Variants in CTNND2 observed in about 807,000 individuals in gnomAD.
CTNND2 encodes the protein catenin delta 2.
CTNND2 carries 22 observed loss-of-function variants against 144.4 expected under a neutral mutation model. That is an observed-to-expected ratio of 0.15 (90% CI 0.11 to 0.22). CTNND2 has a LOEUF of 0.22. Among genes scored for constraint, CTNND2 ranks in the 10% least tolerant of loss-of-function variants. The probability of loss-of-function intolerance (pLI) is 1.00; values close to 1 mark genes in which losing one functional copy is unlikely to be tolerated. For synonymous variants in CTNND2, 751 were observed against 695.6 expected, an observed-to-expected ratio of 1.08 and a Z score of -1.25; for missense variants, 1,353 against 1,618.8, an observed-to-expected ratio of 0.84 and a Z score of 2.82.
chr5:11,082,269 T>G (rs2149634612), intron 16 of CTNND2, among the ~76,000 whole-genome samples: 1 of 152,254 alleles, frequency 6.6e-6, no homozygotes, highest in African/African-American at 2.4e-5. Flanking sequence ...AATACCAAAT[T>G]AAAGAGAGAT....
Position 11,903,780 on chromosome 5 carries a change from C to G in CTNND2, c.37+37G>C. On this transcript the variant is annotated intron_variant, in intron 1 of 21. Coordinates refer to ENST00000304623, the MANE Select transcript of CTNND2 (RefSeq NM_001332.4). This position sits in a 1 kb window ranked among gnomAD's most constrained non-coding sequence, Gnocchi z 5.4. ...GGAGGAGGACGGCGCCGGGAGGAGG[C>G]TGCGCCCGGCCCCGGCCGCCCAGCC... 6.8e-7 allele frequency: 1 copy of G among 1,472,176 alleles called. No individual in the cohort carries two copies. Among genetic ancestry groups the G allele is most frequent in the Non-Finnish European group, 8.9e-7 (1 of 1,118,688 alleles). The allele number at this position is 1,472,176 out of a possible 1,614,324, so 91.2% of individuals were successfully genotyped here. A position where few individuals can be genotyped will look rare whatever the true frequency, so the allele number is the denominator to read the frequency against.
At chr5:11,244,534 C>G (rs953810673) in intron 9 of CTNND2, among the ~76,000 whole-genome samples, 35 of 152,312 alleles carry the variant, frequency 2.3e-4, no homozygotes, top group African/African-American at 8.4e-4. Flanking sequence ...ATCCACCCAC[C>G]TTGGCCTCGC....
At chr5:11,753,972 T>C (rs549647977) in intron 1 of CTNND2, among the ~76,000 whole-genome samples, 7 of 151,762 alleles carry the variant, frequency 4.6e-5, no homozygotes, top group African/African-American at 1.2e-4. Context: ...ATAGAGGTGT[T>C]TGTAGTAGTC....
intron 2 of CTNND2, among the ~76,000 whole-genome samples, chr5:11,587,072 A>G (rs1046238093): frequency 6.6e-6 from 1 of 152,186 alleles, no homozygotes; most frequent in Non-Finnish European, 1.5e-5. Flanking sequence ...ACATACATAT[A>G]CTGTGTCCTA....
In CTNND2 at chr5:11,651,461, C is replaced by T. The variant is rs555662333; in HGVS notation, c.174+80675G>A. On this transcript the variant is annotated intron_variant, in intron 2 of 21. Transcript: ENST00000304623. ...GTGGAGGGGAAATGTGAGGTTGGATCCCCCAGACAGAGTCCCCACTGGGGC... is the reference window on the plus strand; with the variant it reads ...GTGGAGGGGAAATGTGAGGTTGGATTCCCCAGACAGAGTCCCCACTGGGGC... 3.9e-5 allele frequency among the ~76,000 whole-genome samples: 6 copies of T among 152,286 alleles called. No homozygotes were observed. In the South Asian group the frequency reaches 1.2e-3, roughly 32 times the overall value.
intron 2 of CTNND2, among the ~76,000 whole-genome samples, chr5:11,568,959 C>T (rs1297385659): frequency 6.6e-6 from 1 of 152,120 alleles, no homozygotes; most frequent in African/African-American, 2.4e-5. Context: ...TAAACTAATT[C>T]AGCAAAAGTG....
chr5:11,665,402 C>A (rs1783508464), intron 2 of CTNND2, among the ~76,000 whole-genome samples: 1 of 152,086 alleles, frequency 6.6e-6, no homozygotes, highest in African/African-American at 2.4e-5. Flanking sequence ...CTAGCTTTAC[C>A]ATATAGCAAG....
chr5:11,160,131 G>T (rs1288574711), intron 11 of CTNND2, among the ~76,000 whole-genome samples: 3 of 152,218 alleles, frequency 2.0e-5, no homozygotes. Flanking sequence ...AAATGGACTA[G>T]TAGAGCATCT....
chr5:11,734,630 T>A (rs951071135), intron 1 of CTNND2, among the ~76,000 whole-genome samples: 1 of 152,158 alleles, frequency 6.6e-6, no homozygotes, highest in African/African-American at 2.4e-5. Context: ...ACATTACACA[T>A]CCCTCCAGGA....
Position 11,850,396 on chromosome 5 carries a change from T to C in CTNND2, c.37+53421A>G, listed in dbSNP as rs562961621. Among the ~76,000 whole-genome samples the C allele has an allele frequency of 2.6e-5, 4 of 152,300 alleles. No individual in the cohort carries two copies. In the South Asian group the frequency reaches 8.3e-4, roughly 32 times the overall value. On this transcript the variant is annotated intron_variant, in intron 1 of 21. Transcript: ENST00000304623. Reference sequence around the variant, plus strand: ...CCAAGGTAATAGGTAATAAAGTAGCTACTAACAATCAACTTCTCATTGATA... The same window carrying C: ...CCAAGGTAATAGGTAATAAAGTAGCCACTAACAATCAACTTCTCATTGATA...
At chr5:11,891,673 G>A (rs1736975263) in intron 1 of CTNND2, among the ~76,000 whole-genome samples, 1 of 152,168 alleles carries the variant, frequency 6.6e-6, no homozygotes, top group South Asian at 2.1e-4. Context: ...CAAGTCAGGA[G>A]GAGAGCCCTC....
Position 11,388,621 on chromosome 5 carries a change from GAAT to G in CTNND2, c.613-3395_613-3393del, listed in dbSNP as rs1169306887. The stretch of plus-strand genomic sequence containing the variant: ...AGAAATTTGTTTTGTAGCATCATTT[GAAT>G]AAAAACAAAATTTGGGGGAGCCTCT... On this transcript the variant is annotated intron_variant, in intron 6 of 21. Coordinates refer to ENST00000304623, the MANE Select transcript of CTNND2 (RefSeq NM_001332.4). Among the ~76,000 whole-genome samples, 9 of 152,288 alleles carry G rather than the reference GAAT, an allele frequency of 5.9e-5. No homozygotes were observed. In the East Asian group the frequency reaches 1.7e-3, roughly 29 times the overall value.
At position 11,432,139 on chromosome 5, in the gene CTNND2, TTTAAG is replaced by T. The variant is rs1763359486; in HGVS notation, c.288-20075_288-20071del. 2.7e-5 allele frequency among the ~76,000 whole-genome samples: 4 copies of T among 150,914 alleles called. No individual in the cohort carries two copies. In the South Asian group the frequency reaches 6.3e-4, roughly 24 times the overall value. ...GTTGAGGCTTTTTTTTTTTTTTTTT[TTTAAG>T]TTAAGGGCTTAAGGACTGTTACTTT... is the stretch of plus-strand genomic sequence containing the variant. On this transcript the variant is annotated intron_variant, in intron 3 of 21. Coordinates refer to ENST00000304623, the MANE Select transcript of CTNND2 (RefSeq NM_001332.4).
At chr5:11,585,743 C>T (rs1208176211) in intron 2 of CTNND2, among the ~76,000 whole-genome samples, 1 of 151,904 alleles carries the variant, frequency 6.6e-6, no homozygotes, top group Non-Finnish European at 1.5e-5. Flanking sequence ...GGGGAGACAA[C>T]TTAAGTAGAA....
intron 18 of CTNND2, among the ~76,000 whole-genome samples, chr5:10,997,446 G>A (rs1739472380): frequency 6.6e-6 from 1 of 152,082 alleles, no homozygotes; most frequent in African/African-American, 2.4e-5. Flanking sequence ...ACAAAAATTA[G>A]CTGGGCGTGG....
chr5:11,870,588 A>C (rs539428354), intron 1 of CTNND2, among the ~76,000 whole-genome samples: 2 of 152,180 alleles, frequency 1.3e-5, no homozygotes, highest in Non-Finnish European at 2.9e-5. Flanking sequence ...GGAAGTGAAA[A>C]AATGCATCAA....
intron 1 of CTNND2, among the ~76,000 whole-genome samples, chr5:11,740,368 G>C (rs1309619599): frequency 2.6e-5 from 4 of 152,050 alleles, no homozygotes; most frequent in South Asian, 2.1e-4. Flanking sequence ...CAGAACAGAG[G>C]CCTCAGAAAT....
At chr5:11,788,394 C>CT (rs1790951888) in intron 1 of CTNND2, among the ~76,000 whole-genome samples, 1 of 152,140 alleles carries the variant, frequency 6.6e-6, no homozygotes, top group Non-Finnish European at 1.5e-5. Context: ...ACATTTTATA[C>CT]TTTTTAAATA....
At chr5:11,576,705 G>A (rs1778000065) in intron 2 of CTNND2, among the ~76,000 whole-genome samples, 3 of 152,012 alleles carry the variant, frequency 2.0e-5, no homozygotes, top group Non-Finnish European at 2.9e-5. Flanking sequence ...TTACATGGCA[G>A]AATAATCCAT....
Sources: allele counts gnomAD v4.1 joint callset (sites outside exome capture counted in the v4.1 genomes callset), GRCh38; gene constraint gnomAD v4.1.1; non-coding constraint Gnocchi (gnomAD v3.1); transcripts MANE v1.5; gene names NCBI Gene and HGNC (gene_info 2026-07-23, HGNC 2026-07-21).